EVC2: variants seen among roughly 807,000 people sequenced by gnomAD.
EVC2 encodes the protein EvC ciliary complex subunit 2, also known as limbin.
In EVC2, 148 loss-of-function variants were observed where a neutral mutation model predicts 149.3. The ratio of observed to expected loss-of-function variants is 0.99; its 90% CI spans 0.87 to 1.14. The LOEUF (loss-of-function observed/expected upper bound fraction) is 1.14. Ranked by LOEUF, EVC2 falls within the 50% of genes most tolerant of loss-of-function variation. EVC2 has a pLI of 0.00. For missense variants in EVC2, 1,854 were observed against 1,627.3 expected (o/e 1.14, Z -2.40); for synonymous variants, 776 against 649.9 (o/e 1.19, Z -2.95).
At chr4:5,652,223 G>T (rs1049613537) in intron 9 of EVC2, among the ~76,000 whole-genome samples, 1 of 152,214 alleles carries the variant, frequency 6.6e-6, no homozygotes, top group Non-Finnish European at 1.5e-5. Flanking sequence ...GTGGTAAGAG[G>T]TGGAGAGCTC....
chr4:5,708,383 G>A lies in EVC2; in HGVS notation c.131C>T (p.Ala44Val), dbSNP rs1165473463. Residue 44 changes from alanine (A) to valine (V), a missense_variant, in exon 1 of 22, where the codon GCG (alanine) becomes GTG (valine). Transcript: ENST00000344408. ...SSRPRWRPLG[A>V]QPPRDPQVAP... ...CACCTGGGGATCCCGGGGTGGCTGC[G>A]CGCCGAGGGGGCGCCAGCGGGGACG... The A allele has an allele frequency of 2.0e-6, 3 of 1,494,214 alleles. No individual in the cohort carries two copies. The highest frequency in any genetic ancestry group is 2.2e-5 in the Admixed American group (1 of 45,988). The allele number at this position is 1,494,214 out of a possible 1,614,324, so 92.6% of individuals were successfully genotyped here.
intron 1 of EVC2, among the ~76,000 whole-genome samples, chr4:5,705,735 G>T (rs74733147): frequency 0.03 from 4,578 of 151,968 alleles, 226 homozygotes; most frequent in African/African-American, 0.1. Flanking sequence ...AAACCCCATC[G>T]CACAATTGTG....
At position 5,622,836 on chromosome 4, in the gene EVC2, G is replaced by A. The variant is rs199788223; in HGVS notation, c.2202C>T (p.Asp734=). 34 of 1,614,026 alleles carry A rather than the reference G, an allele frequency of 2.1e-5. No homozygotes were observed. The East Asian group carries it at 2.9e-4, about 14-fold the overall frequency. ...LQERLDQAAL[D]DLRTLTLSLF... ...GCGAAAGGGTCAGGGTCCTGAGATC[G>A]TCCAGGGCGGCCTGGTCCAGACGCT... is the stretch of plus-strand genomic sequence containing the variant. The change falls in exon 14 of 22, where the codon GAC becomes GAT. Residue 734 remains aspartate (D), a synonymous_variant. Coordinates refer to ENST00000344408, the MANE Select transcript of EVC2 (RefSeq NM_147127.5). The surrounding 1 kb of genome is among the most constrained non-coding windows in gnomAD (Gnocchi z 5.8).
intron 7 of EVC2, among the ~76,000 whole-genome samples, chr4:5,671,265 G>A (rs527479246): frequency 2.2e-4 from 33 of 152,266 alleles, no homozygotes; most frequent in South Asian, 1.7e-3. Context: ...TCATACCCCC[G>A]CTGCCTCTCC....
At position 5,623,023 on chromosome 4, in the gene EVC2, G is replaced by T. The variant is rs778880309; in HGVS notation, c.2047-32C>A. 1.9e-4 allele frequency: 311 copies of T among 1,608,188 alleles called. 1 individual carries two copies. Among genetic ancestry groups the T allele is most frequent in the Non-Finnish European group, 2.4e-4 (284 of 1,176,764 alleles). On this transcript the variant is annotated intron_variant, in intron 13 of 21. Transcript: ENST00000344408. ...TTTCAGAAAAGAAAATTAAGTGGGGGTGGGGCTTGGCGGGTACAGTCCTTT... is the reference window on the plus strand; with the variant it reads ...TTTCAGAAAAGAAAATTAAGTGGGGTTGGGGCTTGGCGGGTACAGTCCTTT...
intron 16 of EVC2, among the ~76,000 whole-genome samples, chr4:5,588,500 C>T (rs1005353480): frequency 1.3e-5 from 2 of 152,118 alleles, no homozygotes; most frequent in Admixed American, 6.5e-5. Flanking sequence ...CTTTTTCTCT[C>T]TCCTCTTCTC....
intron 6 of EVC2, among the ~76,000 whole-genome samples, chr4:5,682,894 T>C (rs1273874501): frequency 6.6e-6 from 1 of 151,534 alleles, no homozygotes; most frequent in Non-Finnish European, 1.5e-5. Flanking sequence ...CCTTGGGACT[T>C]AGAGCTTGCA....
chr4:5,551,547 G>A (rs1721738900), intron 21 of EVC2, among the ~76,000 whole-genome samples: 1 of 152,166 alleles, frequency 6.6e-6, no homozygotes, highest in African/African-American at 2.4e-5. Flanking sequence ...CAGGCTCATA[G>A]GTGGAAGGGA....
chr4:5,584,730 C>G lies in EVC2; in HGVS notation c.2950G>C (p.Ala984Pro). The change falls in exon 17 of 22, where the codon GCC (alanine) becomes CCC (proline). Residue 984 changes from alanine (A) to proline (P), a missense_variant. Physicochemically the swap from Ala to Pro is conservative, Grantham distance 27. Coordinates refer to ENST00000344408, the MANE Select transcript of EVC2 (RefSeq NM_147127.5). ...KASRVTETLS[A>P]YTALLSIQDL... ...TGGATGCTGAGGAGGGCGGTGTAGG[C>G]CGACAGAGTCTCGGTCACCCGGGAC... is the stretch of plus-strand genomic sequence containing the variant. 1.2e-6 allele frequency: 2 copies of G among 1,614,178 alleles called. No homozygotes were observed. The highest frequency in any genetic ancestry group is 1.7e-6 in the Non-Finnish European group (2 of 1,180,038).
chr4:5,626,661 A>C (rs990571319), intron 12 of EVC2, among the ~76,000 whole-genome samples: 6 of 152,086 alleles, frequency 3.9e-5, no homozygotes, highest in Non-Finnish European at 5.9e-5. Flanking sequence ...TGTGCCTGTG[A>C]GGGTGTTTCC....
chr4:5,608,845 T>G (rs1714604401), intron 16 of EVC2, among the ~76,000 whole-genome samples: 1 of 152,090 alleles, frequency 6.6e-6, no homozygotes, highest in African/African-American at 2.4e-5. Context: ...AAGAGATGAG[T>G]ATCTGAATCA....
At chr4:5,620,733 C>G (rs762630739) in intron 14 of EVC2, among the ~76,000 whole-genome samples, 4 of 152,096 alleles carry the variant, frequency 2.6e-5, no homozygotes, top group Admixed American at 6.5e-5. Flanking sequence ...TCTCTTTTTC[C>G]CATTAAATGG....
chr4:5,703,776 A>T (rs1335998360), intron 1 of EVC2, among the ~76,000 whole-genome samples: 4 of 152,256 alleles, frequency 2.6e-5, no homozygotes, highest in Non-Finnish European at 5.9e-5. Flanking sequence ...CAAACAAAAC[A>T]GTAACATACC....
At position 5,640,928 on chromosome 4, in the gene EVC2, T is replaced by C; in HGVS notation, c.1146-90A>G. 2 of 1,452,906 alleles carry C rather than the reference T, an allele frequency of 1.4e-6. No homozygotes were observed. The highest frequency in any genetic ancestry group is 1.9e-6 in the Non-Finnish European group (2 of 1,040,356). 90.0% of individuals were successfully genotyped at this position (1,452,906 alleles called of 1,614,324 possible). A position where few individuals can be genotyped will look rare whatever the true frequency, so the allele number is the denominator to read the frequency against. On this transcript the variant is annotated intron_variant, in intron 9 of 21. Coordinates refer to ENST00000344408, the MANE Select transcript of EVC2 (RefSeq NM_147127.5). The surrounding 1 kb of genome is among the most constrained non-coding windows in gnomAD (Gnocchi z 4.6). Reference sequence around the variant, plus strand: ...CAAAGCTCTGAGGTTTTCATTTATGTGTAGGCAAGGGCTTTCTTCGTCTTC... The same window carrying C: ...CAAAGCTCTGAGGTTTTCATTTATGCGTAGGCAAGGGCTTTCTTCGTCTTC...
chr4:5,681,355 G>A, intron 6 of EVC2, 42 bp from the exon 7 acceptor site: 1 of 1,604,868 alleles, frequency 6.2e-7, no homozygotes, highest in Non-Finnish European at 8.5e-7. Flanking sequence ...AACAGTTTGG[G>A]GTCTGACACG....
rs1176572375 is a variant in EVC2 at position 5,618,513 on chromosome 4, T to C, written c.2671A>G (p.Lys891Glu). The C allele has an allele frequency of 6.2e-7, 1 of 1,613,732 alleles. No homozygotes were observed. ...GGGGCAGCCACGGCCTGGTCCAGCT[T>C]CACGAACTCTGCTTCTCGCCACGCA... The part of the protein sequence containing the change: ...QTAWREAEFV[K>E]LDQAVAAPEL... The change falls in exon 15 of 22, where the codon AAG becomes GAG. Residue 891 changes from lysine (K) to glutamate (E), a missense_variant. Coordinates refer to ENST00000344408, the MANE Select transcript of EVC2 (RefSeq NM_147127.5). The surrounding 1 kb of genome is among the most constrained non-coding windows in gnomAD (Gnocchi z 4.4).
chr4:5,681,305 TGTTC>T lies in EVC2; in HGVS notation c.821_824del (p.Arg274AsnfsTer3), dbSNP rs1368193719. On this transcript the variant is annotated frameshift_variant, in exon 7 of 22. Transcript: ENST00000344408. LOFTEE classifies it high-confidence loss of function. ...TTATGGAAAAAAGCACTTTCAGCTG[TGTTC>T]TGTTCTAGAAAAGGAAAAAAGAAAA... The T allele has an allele frequency of 6.2e-7, 1 of 1,614,228 alleles. No homozygotes were observed. The highest frequency in any genetic ancestry group is 1.7e-5 in the Admixed American group (1 of 60,030).
chr4:5,643,897 T>TA (rs1223886462), intron 9 of EVC2, among the ~76,000 whole-genome samples: 3 of 151,734 alleles, frequency 2.0e-5, no homozygotes, highest in African/African-American at 4.8e-5. Context: ...TGTCTCAAAA[T>TA]AAAAAAAAAT....
the EVC2 span, among the ~76,000 whole-genome samples, chr4:5,537,244 T>G: frequency 7.8e-3 from 1,186 of 152,166 alleles, 11 homozygotes; most frequent in African/African-American, 0.026. Context: ...GGGCAGAGTT[T>G]TGGAGAGAGG....
Sources: gnomAD v4.1 joint callset for allele counts (sites outside exome capture counted in the v4.1 genomes callset) on GRCh38, gnomAD v4.1.1 for gene constraint, Gnocchi (gnomAD v3.1) non-coding constraint, MANE v1.5 for transcripts, NCBI Gene and HGNC (gene_info 2026-07-23, HGNC 2026-07-21) for gene names.